CDK19: variants seen among roughly 807,000 people sequenced by gnomAD.
The protein encoded by CDK19 is cyclin-dependent kinase 19.
Under a neutral mutation model 68.3 loss-of-function variants are expected in CDK19, and 20 were observed. The observed-to-expected ratio is 0.29, with a 90% CI of 0.21 to 0.43. CDK19 has a LOEUF of 0.43. Ranked by LOEUF, CDK19 falls within the 20% of genes least tolerant of loss-of-function variation. The pLI, the probability that CDK19 is intolerant of heterozygous loss-of-function variation, is 1.00. For synonymous variants in CDK19, 221 were observed against 222.8 expected, an observed-to-expected ratio of 0.99 and a Z score of 0.07; for missense variants, 339 against 623.5, an observed-to-expected ratio of 0.54 and a Z score of 4.86.
At chr6:110,769,281 T>C (rs574902005) in intron 1 of CDK19, among the ~76,000 whole-genome samples, 25 of 150,034 alleles carry the variant, frequency 1.7e-4, no homozygotes, top group Middle Eastern at 7.3e-3. Context: ...ATAGGGAAAA[T>C]TGGCCAGGCA....
At chr6:110,801,051 A>G (rs1782306839) in intron 1 of CDK19, among the ~76,000 whole-genome samples, 1 of 152,188 alleles carries the variant, frequency 6.6e-6, no homozygotes, top group Admixed American at 6.5e-5. Flanking sequence ...AGAAAACCCT[A>G]AAGATTCCTT....
intron 2 of CDK19, among the ~76,000 whole-genome samples, chr6:110,719,787 G>A (rs1181973654): frequency 3.9e-5 from 6 of 152,118 alleles, no homozygotes. Context: ...CTGGGGTGCA[G>A]TGGCGCAATC....
At position 110,627,032 on chromosome 6, in the gene CDK19, G is replaced by A. The variant is rs1349823433; in HGVS notation, c.760C>T (p.Arg254Trp). ...GGAAACCCCATGACACTAAATATCC[G>A]ATCCAGTTGATCATGATGAAAGGGA... is the stretch of plus-strand genomic sequence containing the variant. ...SNPFHHDQLD[R>W]IFSVMGFPAD... is the part of the protein sequence containing the mutation. The change falls in exon 7 of 13, where the codon CGG becomes TGG. Residue 254 changes from arginine (R) to tryptophan (W), a missense_variant. This residue lies in a region of CDK19 where 63 missense variants were observed against 156.5 expected (regional missense o/e 0.40). Transcript: ENST00000368911. The A allele has an allele frequency of 1.2e-6, 2 of 1,612,322 alleles. No individual in the cohort carries two copies. The highest frequency in any genetic ancestry group is 1.3e-5 in the African/African-American group (1 of 74,944).
In CDK19 at chr6:110,621,071, A is replaced by G. The variant is rs1229691980; in HGVS notation, c.1377+33T>C. 2 of 1,572,546 alleles carry G rather than the reference A, an allele frequency of 1.3e-6. No homozygotes were observed. The highest frequency in any genetic ancestry group is 2.2e-5 in the East Asian group (1 of 44,508). ...AGGATAAATCTTTTCCCCACTTCAT[A>G]AAGCATATGAACATTAGACATTCAG... On this transcript the variant is annotated intron_variant, in intron 12 of 12. Transcript: ENST00000368911. This position sits in a 1 kb window ranked among gnomAD's most constrained non-coding sequence, Gnocchi z 5.4.
intron 2 of CDK19, among the ~76,000 whole-genome samples, chr6:110,723,128 G>A (rs1776038661): frequency 9.7e-6 from 1 of 102,986 alleles, no homozygotes; most frequent in Non-Finnish European, 1.9e-5. Context: ...AGCTTTCAAG[G>A]CTTTGTCAAA....
intron 4 of CDK19, among the ~76,000 whole-genome samples, chr6:110,641,293 C>T (rs1424286963): frequency 6.6e-6 from 1 of 152,082 alleles, no homozygotes; most frequent in Non-Finnish European, 1.5e-5. Flanking sequence ...AGACAGACAG[C>T]TTTTAAGACT....
chr6:110,698,702 C>T (rs188405394), intron 2 of CDK19, among the ~76,000 whole-genome samples: 1 of 152,280 alleles, frequency 6.6e-6, no homozygotes, highest in East Asian at 1.9e-4. Flanking sequence ...CAGCTGCATA[C>T]ATATGTTTAT....
chr6:110,705,516 T>C (rs1562215785), intron 2 of CDK19, among the ~76,000 whole-genome samples: 1 of 151,966 alleles, frequency 6.6e-6, no homozygotes, highest in Non-Finnish European at 1.5e-5. Flanking sequence ...AGGGAGCAAA[T>C]GGGAAGGGCA....
At chr6:110,636,732 G>C (rs1467711387) in intron 5 of CDK19, among the ~76,000 whole-genome samples, 1 of 152,186 alleles carries the variant, frequency 6.6e-6, no homozygotes, top group African/African-American at 2.4e-5. Flanking sequence ...GAACAAAAAG[G>C]GAAATGAATA....
In CDK19 at chr6:110,635,995, AATT is replaced by A. The variant is rs560437043; in HGVS notation, c.514+2651_514+2653del. On this transcript the variant is annotated intron_variant, in intron 5 of 12. Coordinates refer to ENST00000368911, the MANE Select transcript of CDK19 (RefSeq NM_015076.5). The stretch of plus-strand genomic sequence containing the variant: ...GATTGTCCATTAGATCTTTATCATT[AATT>A]ATTACTTACTTTTAACCCTAGTTTT... Among the ~76,000 whole-genome samples the A allele has an allele frequency of 5.4e-4, 83 of 152,368 alleles. 1 individual carries two copies. In the South Asian group the frequency reaches 0.016, roughly 30 times the overall value.
intron 2 of CDK19, among the ~76,000 whole-genome samples, chr6:110,713,058 G>C (rs187991076): frequency 3.3e-5 from 5 of 151,896 alleles, no homozygotes; most frequent in African/African-American, 1.2e-4. Flanking sequence ...TTAGCTGGGC[G>C]TGGTGGCGCG....
chr6:110,637,915 G>A (rs530430183), intron 5 of CDK19, among the ~76,000 whole-genome samples: 117 of 152,272 alleles, frequency 7.7e-4, no homozygotes, highest in African/African-American at 2.5e-3. Flanking sequence ...CCCAGGAGGC[G>A]GAGGTTGCAG....
chr6:110,634,127 C>A (rs1018022551), intron 5 of CDK19, among the ~76,000 whole-genome samples: 1 of 152,126 alleles, frequency 6.6e-6, no homozygotes, highest in Non-Finnish European at 1.5e-5. Context: ...AACTAATGTG[C>A]TACGGTATAA....
chr6:110,741,232 G>C (rs567198213), intron 2 of CDK19, among the ~76,000 whole-genome samples: 7 of 151,898 alleles, frequency 4.6e-5, no homozygotes, highest in Non-Finnish European at 1.0e-4. Flanking sequence ...GAGGCAGGAG[G>C]ATCACTTGAG....
At chr6:110,659,286 T>C (rs1007133701) in intron 4 of CDK19, among the ~76,000 whole-genome samples, 1 of 152,222 alleles carries the variant, frequency 6.6e-6, no homozygotes, top group African/African-American at 2.4e-5. Context: ...TAATCAAATG[T>C]TCAGAAAGAT....
intron 2 of CDK19, among the ~76,000 whole-genome samples, chr6:110,671,864 G>A (rs980743393): frequency 1.4e-4 from 22 of 152,036 alleles, no homozygotes; most frequent in East Asian, 1.2e-3. Flanking sequence ...TGCAACCTCC[G>A]CCTCCAAGGT....
intron 12 of CDK19, among the ~76,000 whole-genome samples, chr6:110,617,682 C>T (rs1351611083): frequency 4.8e-5 from 7 of 145,408 alleles, no homozygotes; most frequent in South Asian, 4.4e-4. Flanking sequence ...CACACACACA[C>T]ACACACACAC....
Position 110,621,466 on chromosome 6 carries a change from G to T in CDK19, c.1111-96C>A. The T allele has an allele frequency of 8.1e-7, 1 of 1,239,740 alleles. No homozygotes were observed. Among genetic ancestry groups the T allele is most frequent in the South Asian group, 1.5e-5 (1 of 68,080 alleles). 76.8% of individuals were successfully genotyped at this position (1,239,740 alleles called of 1,614,324 possible). On this transcript the variant is annotated intron_variant, in intron 11 of 12. Transcript: ENST00000368911. The surrounding 1 kb of genome is among the most constrained non-coding windows in gnomAD (Gnocchi z 5.4). ...GCACATGTGGCTGCTGACCAACCTGGGGGAGCAATCTATGTGGGACACTAG... is the reference window on the plus strand; with the variant it reads ...GCACATGTGGCTGCTGACCAACCTGTGGGAGCAATCTATGTGGGACACTAG...
intron 2 of CDK19, among the ~76,000 whole-genome samples, chr6:110,677,848 C>T (rs1291315210): frequency 1.3e-5 from 2 of 152,198 alleles, no homozygotes; most frequent in East Asian, 3.9e-4. Flanking sequence ...ACAATTTTTA[C>T]TTACTAACTT....
Sources: gnomAD v4.1 joint callset for allele counts (sites outside exome capture counted in the v4.1 genomes callset) on GRCh38, gnomAD v4.1.1 for gene constraint, gnomAD v4.1.1 regional missense constraint, Gnocchi (gnomAD v3.1) non-coding constraint, MANE v1.5 for transcripts, NCBI Gene and HGNC (gene_info 2026-07-23, HGNC 2026-07-21) for gene names.